The following PRKG1 variants were observed in gnomAD, a reference collection of about 807,000 sequenced individuals.
PRKG1 encodes cGMP-dependent protein kinase 1.
PRKG1 carries 35 observed loss-of-function variants against 88.1 expected under a neutral mutation model. That is an observed-to-expected ratio of 0.40 (90% confidence interval 0.30 to 0.53). PRKG1 has a LOEUF of 0.53. Among genes scored for constraint, PRKG1 ranks in the 20% least tolerant of loss-of-function variants. PRKG1 has a pLI of 0.59. For synonymous variants in PRKG1, 303 were observed against 292.5 expected (o/e 1.04, Z -0.37); for missense variants, 540 against 839.8 (o/e 0.64, Z 4.41).
chr10:51,244,798 G>GA (rs1448281419), intron 2 of PRKG1: 3 of 150,510 alleles, frequency 2.0e-5, no homozygotes, highest in Admixed American at 1.3e-4. Flanking sequence ...TCACTTACTG[G>GA]AAAAAAATGT....
chr10:51,640,136 A>G (rs1839760718), intron 3 of PRKG1, among the ~76,000 whole-genome samples: 1 of 152,216 alleles, frequency 6.6e-6, no homozygotes, highest in Non-Finnish European at 1.5e-5. Flanking sequence ...CACCATTTCT[A>G]CCATAACACT....
chr10:51,396,395 GA>G (rs140267547), intron 2 of PRKG1, among the ~76,000 whole-genome samples: 30 of 141,696 alleles, frequency 2.1e-4, no homozygotes, highest in Middle Eastern at 7.0e-3. Flanking sequence ...AACTGTCACT[GA>G]AAAAAAAAAA....
At chr10:51,328,444 G>T (rs934339111) in intron 2 of PRKG1, among the ~76,000 whole-genome samples, 1 of 152,202 alleles carries the variant, frequency 6.6e-6, no homozygotes, top group Non-Finnish European at 1.5e-5. Flanking sequence ...GAACACGGAA[G>T]TGCAAATATC....
intron 2 of PRKG1, among the ~76,000 whole-genome samples, chr10:51,410,305 A>G (rs1838049063): frequency 6.7e-6 from 1 of 148,506 alleles, no homozygotes; most frequent in African/African-American, 2.5e-5. Context: ...ATTGTATTGT[A>G]TTAAGTATTA....
At chr10:51,193,310 T>C (rs1837677614) in intron 2 of PRKG1, among the ~76,000 whole-genome samples, 1 of 152,018 alleles carries the variant, frequency 6.6e-6, no homozygotes. Flanking sequence ...CTGTTGAATA[T>C]GCAGATTTCT....
At position 51,992,292 on chromosome 10, in the gene PRKG1, A is replaced by G. The variant is rs577695580; in HGVS notation, c.763-62192A>G. Among the ~76,000 whole-genome samples, 13 of 152,296 alleles carry G rather than the reference A, an allele frequency of 8.5e-5. 1 individual carries two copies. Among genetic ancestry groups the G allele is most frequent in the East Asian group, 7.7e-4 (4 of 5,178 alleles). ...GAAAATGTGCACACAGAGAAGGATT[A>G]TAAATTTCATGGTCTCCTCTTCTTC... On this transcript the variant is annotated intron_variant, in intron 5 of 17. Coordinates refer to ENST00000373980, the MANE Select transcript of PRKG1 (RefSeq NM_006258.4).
intron 5 of PRKG1, among the ~76,000 whole-genome samples, chr10:52,037,504 G>A (rs543997507): frequency 0.024 from 3,634 of 152,244 alleles, 128 homozygotes; most frequent in African/African-American, 0.081. Context: ...TGACCTTTTA[G>A]GGTCTAGGGC....
intron 7 of PRKG1, among the ~76,000 whole-genome samples, chr10:52,124,583 T>C (rs1352595829): frequency 6.6e-6 from 1 of 152,166 alleles, no homozygotes; most frequent in Non-Finnish European, 1.5e-5. Context: ...CTGTAGACAC[T>C]AGAAACACTG....
intron 9 of PRKG1, 123 bp downstream of exon 9, chr10:52,162,086 CAAAG>C: frequency 1.3e-6 from 1 of 782,992 alleles, no homozygotes; most frequent in Middle Eastern, 3.8e-4. Context: ...AGTTGAGAGA[CAAAG>C]AAGCAAACTC....
chr10:51,262,688 G>A (rs1028866428), intron 2 of PRKG1, among the ~76,000 whole-genome samples: 1 of 152,120 alleles, frequency 6.6e-6, no homozygotes, highest in African/African-American at 2.4e-5. Flanking sequence ...AGCATGGCTT[G>A]GAGGCCTCCG....
chr10:51,341,019 G>A (rs547752811), intron 2 of PRKG1, among the ~76,000 whole-genome samples: 4 of 152,180 alleles, frequency 2.6e-5, no homozygotes, highest in East Asian at 1.9e-4. Context: ...TTCATCCAAA[G>A]AGTCTCTACT....
chr10:51,635,304 A>C (rs1016811586), intron 3 of PRKG1, among the ~76,000 whole-genome samples: 2 of 146,390 alleles, frequency 1.4e-5, no homozygotes, highest in Admixed American at 6.9e-5. Context: ...AAAAAAAAAG[A>C]GGTTAGATAT....
chr10:52,162,019 A>G (rs993246983), intron 9 of PRKG1, 56 bp downstream of exon 9: 12 of 1,481,654 alleles, frequency 8.1e-6, no homozygotes, highest in Non-Finnish European at 9.3e-6. Context: ...TAGAAATAAG[A>G]TCAAATATTT....
At position 51,578,057 on chromosome 10, in the gene PRKG1, TTG is replaced by T. The variant is rs1370937262; in HGVS notation, c.592+110223_592+110224del. Among the ~76,000 whole-genome samples the T allele has an allele frequency of 2.6e-5, 4 of 152,224 alleles. No homozygotes were observed. The East Asian group carries it at 7.7e-4, about 29-fold the overall frequency. Reference sequence around the variant, plus strand: ...CAGGATATAATAACAGTCCAGAGGCTTGTAAGTTGTAGTCTATTAAATCCCTC... The same window carrying T: ...CAGGATATAATAACAGTCCAGAGGCTTAAGTTGTAGTCTATTAAATCCCTC... On this transcript the variant is annotated intron_variant, in intron 3 of 17. Coordinates refer to ENST00000373980, the MANE Select transcript of PRKG1 (RefSeq NM_006258.4).
At chr10:51,255,794 T>C (rs2132149454) in intron 2 of PRKG1, among the ~76,000 whole-genome samples, 1 of 152,242 alleles carries the variant, frequency 6.6e-6, no homozygotes, top group South Asian at 2.1e-4. Flanking sequence ...TCTTTGGGAC[T>C]GGGAATAAGG....
chr10:51,958,006 T>A (rs1410681747), intron 5 of PRKG1, among the ~76,000 whole-genome samples: 3 of 152,176 alleles, frequency 2.0e-5, no homozygotes, highest in African/African-American at 7.2e-5. Flanking sequence ...AAGTAGAGTA[T>A]CATTGATAAT....
At chr10:51,384,579 T>G (rs2132635108) in intron 2 of PRKG1, among the ~76,000 whole-genome samples, 1 of 152,290 alleles carries the variant, frequency 6.6e-6, no homozygotes, top group South Asian at 2.1e-4. Flanking sequence ...CAATTTTTAC[T>G]AATAAACCCT....
chr10:51,083,258 C>A (rs1844158995), intron 1 of PRKG1, among the ~76,000 whole-genome samples: 1 of 152,142 alleles, frequency 6.6e-6, no homozygotes, highest in African/African-American at 2.4e-5. Context: ...CCCTTTCCTG[C>A]CAGCCAGGGT....
intron 2 of PRKG1, among the ~76,000 whole-genome samples, chr10:51,360,404 G>A (rs1842454509): frequency 6.6e-6 from 1 of 151,874 alleles, no homozygotes; most frequent in African/African-American, 2.4e-5. Context: ...CATTTTAAGT[G>A]AATTCAACTG....
Sources: gnomAD v4.1 joint callset for allele counts (sites outside exome capture counted in the v4.1 genomes callset) on GRCh38, gnomAD v4.1.1 for gene constraint, MANE v1.5 for transcripts, NCBI Gene and HGNC (gene_info 2026-07-23, HGNC 2026-07-21) for gene names.